The following TSC22D1 variants were observed in gnomAD, a reference collection of about 807,000 sequenced individuals.
TSC22D1 encodes the protein TSC22 domain family member 1.
In TSC22D1, 9 loss-of-function variants were observed where a neutral mutation model predicts 74.2. The ratio of observed to expected loss-of-function variants is 0.12; its 90% CI spans 0.07 to 0.21. TSC22D1 has a LOEUF of 0.21. Ranked by LOEUF, TSC22D1 falls within the 10% of genes least tolerant of loss-of-function variation. TSC22D1 has a pLI of 1.00. For synonymous variants in TSC22D1, 586 were observed against 492.5 expected, an observed-to-expected ratio of 1.19 and a Z score of -2.51; for missense variants, 1,427 against 1,304.7, an observed-to-expected ratio of 1.09 and a Z score of -1.44.
intron 1 of TSC22D1, among the ~76,000 whole-genome samples, chr13:44,554,987 G>T (rs1484965891): frequency 6.6e-6 from 1 of 151,920 alleles, no homozygotes; most frequent in Admixed American, 6.6e-5. Context: ...CTTGGTTTTT[G>T]TTAGGCCAAT....
intron 1 of TSC22D1, among the ~76,000 whole-genome samples, chr13:44,550,594 A>G (rs1248998650): frequency 2.0e-5 from 3 of 151,616 alleles, no homozygotes; most frequent in Admixed American, 6.6e-5. Context: ...GGGAAAAAAA[A>G]AAAAAAGAAA....
At chr13:44,511,273 G>A (rs1879701709) in intron 1 of TSC22D1, among the ~76,000 whole-genome samples, 1 of 151,864 alleles carries the variant, frequency 6.6e-6, no homozygotes, top group South Asian at 2.1e-4. Context: ...AACAGAGTGA[G>A]AACCTGTTTC....
At chr13:44,550,143 G>T (rs1311022342) in intron 1 of TSC22D1, among the ~76,000 whole-genome samples, 2 of 152,142 alleles carry the variant, frequency 1.3e-5, no homozygotes, top group African/African-American at 2.4e-5. Context: ...TTAAAAATAT[G>T]CTTTGATTTA....
At chr13:44,572,761 G>C (rs892288932) in intron 1 of TSC22D1, among the ~76,000 whole-genome samples, 1 of 152,188 alleles carries the variant, frequency 6.6e-6, no homozygotes, top group Non-Finnish European at 1.5e-5. Flanking sequence ...GGGATGTCTA[G>C]TAAAGGAGAA....
chr13:44,458,661 CCACA>C (rs1876813255), intron 1 of TSC22D1, among the ~76,000 whole-genome samples: 1 of 152,184 alleles, frequency 6.6e-6, no homozygotes, highest in Non-Finnish European at 1.5e-5. Context: ...CCCACTTCCC[CCACA>C]GGCTTGGAAG....
At chr13:44,437,090 G>A (rs1216611553) in intron 1 of TSC22D1, 2 of 976,614 alleles carry the variant, frequency 2.0e-6, no homozygotes, top group African/African-American at 1.8e-5. Context: ...GGTTTCCACG[G>A]CGGCCTCAAA....
At chr13:44,537,183 A>G (rs1881199160) in intron 1 of TSC22D1, 2 of 872,954 alleles carry the variant, frequency 2.3e-6, no homozygotes, top group Admixed American at 1.2e-4. Context: ...TCTAGAAAAA[A>G]ATAGTTTATA....
At chr13:44,453,162 C>T (rs1359433719) in intron 1 of TSC22D1, among the ~76,000 whole-genome samples, 2 of 152,214 alleles carry the variant, frequency 1.3e-5, no homozygotes, top group Non-Finnish European at 2.9e-5. Context: ...CAGTGTCTCC[C>T]TTTAACCTTC....
chr13:44,558,597 G>A (rs866041279), intron 1 of TSC22D1, among the ~76,000 whole-genome samples: 10 of 152,104 alleles, frequency 6.6e-5, no homozygotes, highest in South Asian at 2.1e-4. Context: ...AAAATTAGCC[G>A]GGCATGGTGC....
At chr13:44,576,566 G>GGCCGCCGCC (rs530710121), upstream of TSC22D1, 1 of 154,012 alleles carries the variant, frequency 6.5e-6, no homozygotes, top group Non-Finnish European at 1.4e-5. Context: ...CCACCCCCGG[G>GGCCGCCGCC]GCCGCCGCCG....
intron 1 of TSC22D1, among the ~76,000 whole-genome samples, chr13:44,486,003 A>C (rs893071760): frequency 3.3e-5 from 5 of 152,042 alleles, no homozygotes; most frequent in African/African-American, 1.2e-4. Flanking sequence ...AGGAACATTA[A>C]TACATAGCTC....
chr13:44,483,117 C>A (rs543772581), intron 1 of TSC22D1, among the ~76,000 whole-genome samples: 2 of 152,280 alleles, frequency 1.3e-5, no homozygotes, highest in East Asian at 3.9e-4. Flanking sequence ...TACGAATACA[C>A]TTAATAATGT....
intron 1 of TSC22D1, among the ~76,000 whole-genome samples, chr13:44,522,843 A>T (rs1880378746): frequency 1.3e-5 from 2 of 152,008 alleles, no homozygotes; most frequent in Admixed American, 1.3e-4. Context: ...AAAATTGAAA[A>T]TTTTTCTTCT....
intron 1 of TSC22D1, among the ~76,000 whole-genome samples, chr13:44,482,519 ACAGAGTGAGACTC>A (rs989741879): frequency 2.6e-5 from 4 of 152,208 alleles, no homozygotes; most frequent in Admixed American, 2.6e-4. Context: ...AGCCTGGGCA[ACAGAGTGAGACTC>A]CATCTCAAAA....
chr13:44,504,393 C>T (rs114447638), intron 1 of TSC22D1, among the ~76,000 whole-genome samples: 2,314 of 152,108 alleles, frequency 0.015, 46 homozygotes, highest in African/African-American at 0.052. Context: ...AAGAGAATCA[C>T]AGGAGTTCAA....
At chr13:44,440,699 A>ATTATCAAATAAT (rs1875128728) in intron 1 of TSC22D1, among the ~76,000 whole-genome samples, 1 of 152,142 alleles carries the variant, frequency 6.6e-6, no homozygotes, top group African/African-American at 2.4e-5. Context: ...AAGGAAGAGA[A>ATTATCAAATAAT]TTATCAAATA....
intron 1 of TSC22D1, among the ~76,000 whole-genome samples, chr13:44,472,679 C>T (rs1374672731): frequency 2.0e-5 from 3 of 152,174 alleles, no homozygotes; most frequent in African/African-American, 4.8e-5. Flanking sequence ...TGGCATGTGC[C>T]TGTAGACCCA....
At chr13:44,465,387 G>C (rs376085059) in intron 1 of TSC22D1, among the ~76,000 whole-genome samples, 1 of 152,184 alleles carries the variant, frequency 6.6e-6, no homozygotes, top group African/African-American at 2.4e-5. Context: ...GGGGGGACAC[G>C]AGCATGACAA....
chr13:44,522,029 CT>C (rs1485961143), intron 1 of TSC22D1, among the ~76,000 whole-genome samples: 1 of 152,110 alleles, frequency 6.6e-6, no homozygotes, highest in Non-Finnish European at 1.5e-5. Flanking sequence ...ACAATATATG[CT>C]TTTAAATTGG....
Sources: gnomAD v4.1 joint callset for allele counts (sites outside exome capture counted in the v4.1 genomes callset) on GRCh38, gnomAD v4.1.1 for gene constraint, MANE v1.5 for transcripts, NCBI Gene and HGNC (gene_info 2026-07-23, HGNC 2026-07-21) for gene names.